The following TSPAN9 variants were observed in gnomAD, a reference collection of about 807,000 sequenced individuals.
TSPAN9 encodes tetraspanin-9.
Under a neutral mutation model 31.0 loss-of-function variants are expected in TSPAN9, and 16 were observed. That is an observed-to-expected ratio of 0.52 (90% confidence interval 0.35 to 0.78). The LOEUF (loss-of-function observed/expected upper bound fraction) is 0.78. TSPAN9 is among the 30% of genes least tolerant of loss of function. TSPAN9 has a pLI of 0.01. For missense variants in TSPAN9, 272 were observed against 312.5 expected (o/e 0.87, Z 0.98); for synonymous variants, 145 against 121.6 (o/e 1.19, Z -1.27).
chr12:3,096,011 G>A (rs184507644), intron 2 of TSPAN9, among the ~76,000 whole-genome samples: 1,583 of 148,048 alleles, frequency 0.011, 16 homozygotes, highest in Non-Finnish European at 0.017. Flanking sequence ...CGGGCCCCGC[G>A]GGGCCTGTCC....
intron 2 of TSPAN9, among the ~76,000 whole-genome samples, chr12:3,095,861 C>G (rs2098308312): frequency 6.8e-6 from 1 of 146,274 alleles, no homozygotes; most frequent in Non-Finnish European, 1.5e-5. Context: ...ACTGGGCAGC[C>G]AGGCAGAGGG....
chr12:3,250,730 A>C lies in TSPAN9; in HGVS notation c.64-27691A>C, dbSNP rs1447376133. 2.6e-5 allele frequency among the ~76,000 whole-genome samples: 4 copies of C among 152,220 alleles called. 1 individual carries two copies. The highest frequency in any genetic ancestry group is 2.0e-4 in the Admixed American group (3 of 15,292). On this transcript the variant is annotated intron_variant, in intron 3 of 8. Transcript: ENST00000011898. Reference sequence around the variant, plus strand: ...TTGGCTGGCTCAGGGTGCAGTGTCCATGACACCAGAACCCTTTCCTGGTCC... The same window carrying C: ...TTGGCTGGCTCAGGGTGCAGTGTCCCTGACACCAGAACCCTTTCCTGGTCC...
At chr12:3,108,948 T>A (rs1333199260) in intron 2 of TSPAN9, among the ~76,000 whole-genome samples, 1 of 152,084 alleles carries the variant, frequency 6.6e-6, no homozygotes, top group Admixed American at 6.5e-5. Context: ...GGATTCTTTT[T>A]TTTTTTTGAG....
intron 2 of TSPAN9, among the ~76,000 whole-genome samples, chr12:3,109,504 C>T (rs1158422936): frequency 6.6e-6 from 1 of 151,330 alleles, no homozygotes; most frequent in African/African-American, 2.4e-5. Context: ...TGTTAGGAAC[C>T]TAGTAAGTTA....
intron 1 of TSPAN9, among the ~76,000 whole-genome samples, chr12:3,081,264 G>T (rs1049103491): frequency 2.0e-5 from 3 of 152,168 alleles, no homozygotes; most frequent in African/African-American, 7.2e-5. Flanking sequence ...TGAGGGCCCA[G>T]CCTGCAGTGG....
rs773159587 is a variant in TSPAN9 at position 3,279,076 on chromosome 12, A to G, written c.330+10A>G. On this transcript the variant is annotated intron_variant, in intron 5 of 8. Coordinates refer to ENST00000011898, the MANE Select transcript of TSPAN9 (RefSeq NM_006675.5). ...TGTCTACATGGACAAGGTAAGCCTT[A>G]CCAGATGGGAGGGGGCATATGGAAT... 30 of 1,612,974 alleles carry G rather than the reference A, an allele frequency of 1.9e-5. 1 individual carries two copies. In the South Asian group the frequency reaches 3.3e-4, roughly 18 times the overall value.
chr12:3,188,517 C>T (rs1191388068), intron 2 of TSPAN9, among the ~76,000 whole-genome samples: 1 of 152,128 alleles, frequency 6.6e-6, no homozygotes, highest in African/African-American at 2.4e-5. Flanking sequence ...TGTGTCCCTG[C>T]TGTGTCCGGC....
intron 3 of TSPAN9, among the ~76,000 whole-genome samples, chr12:3,222,147 T>G (rs2098384899): frequency 6.6e-6 from 1 of 152,138 alleles, no homozygotes; most frequent in Non-Finnish European, 1.5e-5. Flanking sequence ...AATAAGCATT[T>G]ATTGAACTTT....
intron 2 of TSPAN9, among the ~76,000 whole-genome samples, chr12:3,178,535 C>T (rs1688151402): frequency 1.3e-5 from 2 of 152,204 alleles, no homozygotes; most frequent in African/African-American, 2.4e-5. Flanking sequence ...AGGTGATCTG[C>T]CCGCCTTGGC....
intron 2 of TSPAN9, among the ~76,000 whole-genome samples, chr12:3,126,185 G>T (rs1470069630): frequency 6.6e-6 from 1 of 152,158 alleles, no homozygotes; most frequent in Non-Finnish European, 1.5e-5. Context: ...GAGGGTTAAG[G>T]GAGAGTACTT....
intron 3 of TSPAN9, among the ~76,000 whole-genome samples, chr12:3,262,646 G>A (rs373488101): frequency 2.6e-5 from 4 of 151,820 alleles, no homozygotes; most frequent in Non-Finnish European, 5.9e-5. Context: ...TGGGAGGAGC[G>A]GAGGGAGGGC....
chr12:3,249,749 G>A (rs1300866750), intron 3 of TSPAN9, among the ~76,000 whole-genome samples: 2 of 152,128 alleles, frequency 1.3e-5, no homozygotes, highest in Non-Finnish European at 2.9e-5. Context: ...TATGAATGAG[G>A]GAACAGGCCT....
chr12:3,086,052 G>A (rs1289292148), intron 2 of TSPAN9, among the ~76,000 whole-genome samples: 6 of 152,208 alleles, frequency 3.9e-5, no homozygotes, highest in African/African-American at 1.2e-4. Context: ...GAGGCAGTGA[G>A]GAGTAAGCCT....
intron 2 of TSPAN9, among the ~76,000 whole-genome samples, chr12:3,118,619 C>T (rs939072133): frequency 3.3e-5 from 5 of 151,894 alleles, no homozygotes; most frequent in Admixed American, 3.3e-4. Context: ...TATTTATTGA[C>T]AAACATGGGG....
At chr12:3,231,095 TTG>T (rs930257279) in intron 3 of TSPAN9, among the ~76,000 whole-genome samples, 1 of 152,084 alleles carries the variant, frequency 6.6e-6, no homozygotes, top group African/African-American at 2.4e-5. Context: ...TGTGTAAGGA[TTG>T]TGGTTTTTTA....
chr12:3,259,507 G>T (rs1345559347), intron 3 of TSPAN9, among the ~76,000 whole-genome samples: 1 of 152,218 alleles, frequency 6.6e-6, no homozygotes, highest in East Asian at 1.9e-4. Context: ...AGCAAGTCAG[G>T]ATCTCTCCTG....
At chr12:3,109,299 T>TGTGTGTGTGAGAGAGAGAGA (rs1274383200) in intron 2 of TSPAN9, among the ~76,000 whole-genome samples, 10 of 118,336 alleles carry the variant, frequency 8.5e-5, no homozygotes, top group African/African-American at 3.2e-4. Flanking sequence ...TGTGTGTGTG[T>TGTGTGTGTGAGAGAGAGAGA]GAGAGAGAGT....
chr12:3,276,404 T>C (rs1224133218), intron 3 of TSPAN9, among the ~76,000 whole-genome samples: 1 of 152,142 alleles, frequency 6.6e-6, no homozygotes, highest in Non-Finnish European at 1.5e-5. Context: ...GCCTGCTTTG[T>C]CTCCTACCAT....
chr12:3,234,996 TAA>T (rs1422845377), intron 3 of TSPAN9, among the ~76,000 whole-genome samples: 2 of 142,538 alleles, frequency 1.4e-5, no homozygotes, highest in African/African-American at 2.6e-5. Context: ...CCATCTCTAC[TAA>T]AAAAATACAA....
Sources: allele counts gnomAD v4.1 joint callset (sites outside exome capture counted in the v4.1 genomes callset), GRCh38; gene constraint gnomAD v4.1.1; transcripts MANE v1.5; gene names NCBI Gene and HGNC (gene_info 2026-07-23, HGNC 2026-07-21).